The following RPL30 variants were observed in gnomAD, a reference collection of about 807,000 sequenced individuals.
The protein encoded by RPL30 is ribosomal protein L30.
For missense variants in RPL30, 60 were observed against 138.0 expected (o/e 0.43, Z 2.83); for synonymous variants, 40 against 50.4 (o/e 0.79, Z 0.87).
At chr8:98,044,908 G>T in intron 3 of RPL30, 35 bp downstream of exon 3, 22 of 1,603,096 alleles carry the variant, frequency 1.4e-5, no homozygotes, top group Non-Finnish European at 1.9e-5. Flanking sequence ...CGATGAATTC[G>T]CGGTAGGCGA....
In RPL30 at chr8:98,042,879, A is replaced by G. The variant is rs1001280450; in HGVS notation, c.168-104T>C. On this transcript the variant is annotated intron_variant, in intron 3 of 4. Transcript: ENST00000287038. ...AGTGTTAATGTTGTTAAGGCCTTCA[A>G]AAAGTAACAAAATCACATATTACTC... The G allele has an allele frequency of 1.1e-5, 12 of 1,055,972 alleles. No homozygotes were observed. In the South Asian group the frequency reaches 1.9e-4, roughly 17 times the overall value. The allele number at this position is 1,055,972 out of a possible 1,614,324, so 65.4% of individuals were successfully genotyped here.
chr8:98,044,917 G>T, intron 3 of RPL30, 26 bp downstream of exon 3: 4 of 1,607,940 alleles, frequency 2.5e-6, no homozygotes, highest in Non-Finnish European at 3.4e-6. Context: ...CGCGGTAGGC[G>T]AAGCCCGTTC....
At chr8:98,045,131 C>G in intron 2 of RPL30, 43 bp from the exon 3 acceptor site, 1 of 1,592,184 alleles carries the variant, frequency 6.3e-7, no homozygotes, top group Non-Finnish European at 8.6e-7. Context: ...GCCTCGCCTG[C>G]AACCGCCTCA....
chr8:98,044,692 A>G, intron 3 of RPL30: 2 of 461,780 alleles, frequency 4.3e-6, no homozygotes, highest in Non-Finnish European at 7.6e-6. Context: ...GTTTCCATTA[A>G]ACCTCGATGT....
chr8:98,043,515 C>T (rs1222325792), intron 3 of RPL30: 1 of 149,424 alleles, frequency 6.7e-6, no homozygotes, highest in Non-Finnish European at 1.5e-5. Flanking sequence ...AAAGATAAGC[C>T]ATTTCTATCA....
At position 98,045,408 on chromosome 8, in the gene RPL30, GAC is replaced by G. The variant is rs745658879; in HGVS notation, c.-32-11_-32-10del. ...GCGGGACGGCCCCCAACCTAGAAGA[GAC>G]AGAGAACAGGACAGGAATTTTAGGA... On this transcript the variant is annotated splice_polypyrimidine_tract_variant and intron_variant, in intron 1 of 4. Coordinates refer to ENST00000287038, the MANE Select transcript of RPL30 (RefSeq NM_000989.4). The G allele has an allele frequency of 5.8e-5, 94 of 1,613,504 alleles. No homozygotes were observed. The highest frequency in any genetic ancestry group is 7.4e-5 in the Non-Finnish European group (87 of 1,179,582).
rs1230936931 is a variant in RPL30, at chr8:98,044,550, C to T, written c.167+393G>A. 3 of 177,440 alleles carry T rather than the reference C, an allele frequency of 1.7e-5. No homozygotes were observed. The Admixed American group carries it at 1.9e-4, about 11-fold the overall frequency. 11.0% of individuals were successfully genotyped at this position (177,440 alleles called of 1,614,324 possible). A position where few individuals can be genotyped will look rare whatever the true frequency, so the allele number is the denominator to read the frequency against. ...ATAGCCTGCAACTCCATAGCCCAGC[C>T]TCAACTTTTCTTACCTAGTTTTTTG... On this transcript the variant is annotated intron_variant, in intron 3 of 4. Coordinates refer to ENST00000287038, the MANE Select transcript of RPL30 (RefSeq NM_000989.4).
At chr8:98,045,453 C>T in intron 1 of RPL30, 54 bp from the exon 2 acceptor site, 2 of 1,553,784 alleles carry the variant, frequency 1.3e-6, no homozygotes, top group Non-Finnish European at 1.8e-6. Context: ...TTACAAATGG[C>T]AACCCGCAAA....
chr8:98,042,386 A>G (rs1814393019), intron 4 of RPL30: 1 of 439,486 alleles, frequency 2.3e-6, no homozygotes, highest in Non-Finnish European at 4.1e-6. Flanking sequence ...TACCAAATCT[A>G]TGTCATTATT....
Position 98,045,494 on chromosome 8 carries a change from A to G in RPL30, c.-33+14T>C. On this transcript the variant is annotated intron_variant, in intron 1 of 4. Transcript: ENST00000287038. Reference sequence around the variant, plus strand: ...CCGCGCTGCCTAAACCTCGGTCGGTAGGAGCCCACTCACCAACAGCAGCCG... The same window carrying G: ...CCGCGCTGCCTAAACCTCGGTCGGTGGGAGCCCACTCACCAACAGCAGCCG... The G allele has an allele frequency of 9.7e-7, 1 of 1,033,108 alleles. No homozygotes were observed. The highest frequency in any genetic ancestry group is 2.5e-5 in the East Asian group (1 of 39,952). The allele number at this position is 1,033,108 out of a possible 1,614,324, so 64.0% of individuals were successfully genotyped here.
chr8:98,042,509 T>C (rs1383383643), intron 4 of RPL30, 136 bp downstream of exon 4: 1 of 822,286 alleles, frequency 1.2e-6, no homozygotes, highest in East Asian at 2.5e-5. Context: ...AAAATACAAC[T>C]ACACGATATG....
intron 4 of RPL30, chr8:98,042,127 C>G: frequency 1.6e-6 from 1 of 630,108 alleles, no homozygotes; most frequent in Non-Finnish European, 3.0e-6. Flanking sequence ...AGGGAAAGAA[C>G]TAGGTTTGGG....
rs1814400716 is a variant in RPL30 at position 98,042,687 on chromosome 8, C to T, written c.256G>A (p.Gly86Arg). 1.2e-6 allele frequency: 2 copies of T among 1,612,530 alleles called. No homozygotes were observed. The highest frequency in any genetic ancestry group is 2.2e-5 in the East Asian group (1 of 44,848). The change falls in exon 4 of 5, where the codon GGA becomes AGA. Residue 86 changes from glycine to arginine, a missense_variant. Transcript: ENST00000287038. Reference protein sequence around the residue: ...GNNIELGTACGKYYRVCTLAI... With the variant: ...GNNIELGTACRKYYRVCTLAI... ...AGTGTGCACACTCTGTAGTATTTTC[C>T]GCATGCTGTGCCCAGTTCAATATTA...
Position 98,045,490 on chromosome 8 carries a change from C to T in RPL30, c.-33+18G>A, listed in dbSNP as rs1243970208. ...CTCCCCGCGCTGCCTAAACCTCGGT[C>T]GGTAGGAGCCCACTCACCAACAGCA... is the stretch of plus-strand genomic sequence containing the variant. On this transcript the variant is annotated intron_variant, in intron 1 of 4. Coordinates refer to ENST00000287038, the MANE Select transcript of RPL30 (RefSeq NM_000989.4). The T allele has an allele frequency of 1.5e-5, 16 of 1,091,226 alleles. No individual in the cohort carries two copies. The highest frequency in any genetic ancestry group is 2.5e-5 in the East Asian group (1 of 40,358). The allele number at this position is 1,091,226 out of a possible 1,614,324, so 67.6% of individuals were successfully genotyped here.
At chr8:98,043,527 C>G (rs556696311) in intron 3 of RPL30, 1 of 151,004 alleles carries the variant, frequency 6.6e-6, no homozygotes, top group East Asian at 1.9e-4. Flanking sequence ...TTTCTATCAC[C>G]ATCCCCTCAG....
intron 3 of RPL30, chr8:98,043,133 C>CT (rs898172381): frequency 4.7e-4 from 73 of 153,968 alleles, no homozygotes; most frequent in Admixed American, 7.8e-4. Context: ...GTATTATGTA[C>CT]TTTTTTTTTT....
intron 4 of RPL30, 39 bp from the exon 5 acceptor site, chr8:98,041,889 C>T (rs1814382367): frequency 1.5e-6 from 2 of 1,354,998 alleles, no homozygotes; most frequent in Non-Finnish European, 2.1e-6. Flanking sequence ...TTTTACAATT[C>T]ATTTAATAGC....
intron 2 of RPL30, 88 bp from the exon 3 acceptor site, chr8:98,045,176 A>G (rs1388979092): frequency 1.3e-6 from 2 of 1,563,538 alleles, no homozygotes; most frequent in African/African-American, 1.4e-5. Context: ...CGAGCCCCTT[A>G]AACTTCCGAA....
At chr8:98,042,096 A>G (rs751410479) in intron 4 of RPL30, 1 of 661,672 alleles carries the variant, frequency 1.5e-6, no homozygotes, top group South Asian at 1.4e-5. Flanking sequence ...GTTTATCACC[A>G]GCATTTATAA....
Sources: allele counts gnomAD v4.1 joint callset, GRCh38; gene constraint gnomAD v4.1.1; transcripts MANE v1.5; gene names NCBI Gene and HGNC (gene_info 2026-07-23, HGNC 2026-07-21).